The following HPR variants were observed in gnomAD, a reference collection of about 807,000 sequenced individuals.
HPR encodes haptoglobin-related protein.
In HPR, 17 loss-of-function variants were observed where a neutral mutation model predicts 18.5. The observed-to-expected ratio is 0.92, with a 90% CI of 0.63 to 1.38. HPR has a LOEUF of 1.38. Among genes scored for constraint, HPR ranks in the 40% most tolerant of loss-of-function variants. HPR has a pLI of 0.00. For missense variants in HPR, 457 were observed against 432.4 expected (o/e 1.06, Z -0.51); for synonymous variants, 176 against 165.0 (o/e 1.07, Z -0.51).
At position 72,076,859 on chromosome 16, in the gene HPR, A is replaced by T. The variant is rs1597421868; in HGVS notation, c.825A>T (p.Ile275=). The change falls in exon 5 of 5, where the codon ATA becomes ATT. Residue 275 remains isoleucine, a synonymous_variant. Transcript: ENST00000540303. ...AGAGCCCTGTAGGGGTGCAGCCCAT[A>T]CTGAACGAACACACCTTCTGTGTCG... ...APKSPVGVQP[I]LNEHTFCVGM... The T allele has an allele frequency of 1.2e-6, 2 of 1,614,132 alleles. No homozygotes were observed. The highest frequency in any genetic ancestry group is 1.7e-6 in the Non-Finnish European group (2 of 1,180,050).
intron 1 of HPR, chr16:72,073,670 A>T: frequency 1.4e-6 from 2 of 1,424,974 alleles, no homozygotes; most frequent in Non-Finnish European, 1.9e-6. Flanking sequence ...GCTCAGAAGC[A>T]GCTAAAGCGT....
chr16:72,075,539 C>G (rs942223948), intron 4 of HPR, among the ~76,000 whole-genome samples: 3 of 152,206 alleles, frequency 2.0e-5, no homozygotes, highest in African/African-American at 7.2e-5. Context: ...CCAGGGAGAA[C>G]AAGTCAAGGG....
chr16:72,073,276 G>T (rs2041676720), intron 1 of HPR, among the ~76,000 whole-genome samples: 1 of 152,180 alleles, frequency 6.6e-6, no homozygotes, highest in Non-Finnish European at 1.5e-5. Flanking sequence ...AACCTATGAG[G>T]AGCAACCTTA....
At chr16:72,071,489 G>C (rs1312343715) in intron 1 of HPR, among the ~76,000 whole-genome samples, 1 of 152,110 alleles carries the variant, frequency 6.6e-6, no homozygotes, top group African/African-American at 2.4e-5. Context: ...CTCTTTCTCT[G>C]CTGTTCCCTG....
intron 4 of HPR, 76 bp from the exon 5 acceptor site, chr16:72,076,227 C>T: frequency 2.5e-6 from 4 of 1,592,688 alleles, no homozygotes; most frequent in South Asian, 1.1e-5. Flanking sequence ...TGACAGCCGC[C>T]AATGCTTTCA....
At chr16:72,076,055 G>T (rs1452566829) in intron 4 of HPR, among the ~76,000 whole-genome samples, 1 of 152,056 alleles carries the variant, frequency 6.6e-6, no homozygotes, top group Non-Finnish European at 1.5e-5. Flanking sequence ...TAGTTCACCA[G>T]CCAGGCCTCA....
intron 1 of HPR, among the ~76,000 whole-genome samples, chr16:72,070,443 G>A (rs540543612): frequency 1.3e-5 from 2 of 152,292 alleles, no homozygotes; most frequent in South Asian, 4.1e-4. Context: ...ACTCAAACCA[G>A]CTTGGGAAGG....
At position 72,074,340 on chromosome 16, in the gene HPR, C is replaced by T. The variant is rs367988509; in HGVS notation, c.148C>T (p.Arg50Cys). The change falls in exon 3 of 5, where the codon CGC (arginine) becomes TGC (cysteine). Residue 50 changes from arginine (R) to cysteine (C), a missense_variant. By Grantham distance (180) the Arg-to-Cys change is radical. Transcript: ENST00000540303. ...AAATGGCTATGTGGAGCACTTGTTT[C>T]GCTACCAGTGTAAGAACTACTACAG... ...IANGYVEHLF[R>C]YQCKNYYRLR... is the part of the protein sequence containing the mutation. 8.1e-5 allele frequency: 130 copies of T among 1,614,046 alleles called. No individual in the cohort carries two copies. Among genetic ancestry groups the T allele is most frequent in the Non-Finnish European group, 1.1e-4 (124 of 1,179,988 alleles).
intron 1 of HPR, among the ~76,000 whole-genome samples, chr16:72,070,381 A>G (rs1431883554): frequency 6.6e-6 from 1 of 152,198 alleles, no homozygotes; most frequent in Non-Finnish European, 1.5e-5. Context: ...TTTCCAGCAC[A>G]TTAGCGTCAG....
intron 4 of HPR, among the ~76,000 whole-genome samples, 187 bp downstream of exon 4, chr16:72,075,406 G>T (rs1240009656): frequency 6.6e-6 from 1 of 152,214 alleles, no homozygotes; most frequent in Non-Finnish European, 1.5e-5. Flanking sequence ...GATCACCAGG[G>T]TCTTGTTCAT....
At chr16:72,065,795 C>T (rs72787056) in intron 1 of HPR, among the ~76,000 whole-genome samples, 15,986 of 151,990 alleles carry the variant, frequency 0.11, 1,159 homozygotes, top group South Asian at 0.16. Context: ...AGGGAAGAAT[C>T]CGATCCAGCA....
chr16:72,076,433 G>A lies in HPR; in HGVS notation c.399G>A (p.Leu133=). ...SHHNLTTGAT[L]INEQWLLTTA... ...ATAATCTCACCACAGGGGCCACGCT[G>A]ATCAATGAACAATGGCTGCTGACCA... is the stretch of plus-strand genomic sequence containing the variant. The change falls in exon 5 of 5, where the codon CTG becomes CTA. Residue 133 remains leucine, a synonymous_variant. Transcript: ENST00000540303. 2 of 1,614,192 alleles carry A rather than the reference G, an allele frequency of 1.2e-6. No individual in the cohort carries two copies. Among genetic ancestry groups the A allele is most frequent in the Non-Finnish European group, 1.7e-6 (2 of 1,180,044 alleles).
At chr16:72,073,697 G>A in intron 1 of HPR, 195 bp from the exon 2 acceptor site, 3 of 1,487,000 alleles carry the variant, frequency 2.0e-6, no homozygotes, top group Non-Finnish European at 2.7e-6. Flanking sequence ...GGGGCGGAGG[G>A]TGGGGGCAAC....
intron 3 of HPR, among the ~76,000 whole-genome samples, 175 bp from the exon 4 acceptor site, chr16:72,074,970 G>A (rs1376578935): frequency 6.6e-6 from 1 of 151,322 alleles, no homozygotes; most frequent in East Asian, 2.0e-4. Context: ...CAGGCACTTG[G>A]CTTCCAGCAC....
rs1597422085 is a variant in HPR at position 72,077,024 on chromosome 16, G to C, written c.990G>C (p.Val330=). 2 of 1,614,084 alleles carry C rather than the reference G, an allele frequency of 1.2e-6. No individual in the cohort carries two copies. Among genetic ancestry groups the C allele is most frequent in the East Asian group, 4.5e-5 (2 of 44,874 alleles). ...GCTGTGCTGTGGCTGAGTATGGTGTGTATGTGAAGGTGACTTCCATCCAGC... is the reference window on the plus strand; with the variant it reads ...GCTGTGCTGTGGCTGAGTATGGTGTCTATGTGAAGGTGACTTCCATCCAGC... ...DKSCAVAEYG[V]YVKVTSIQHW... The change falls in exon 5 of 5, where the codon GTG becomes GTC. Residue 330 remains valine (V), a synonymous_variant. Transcript: ENST00000540303.
At chr16:72,074,166 C>A in intron 2 of HPR, 118 bp from the exon 3 acceptor site, 1 of 1,267,878 alleles carries the variant, frequency 7.9e-7, no homozygotes, top group Non-Finnish European at 1.1e-6. Context: ...CTTTCGTTGG[C>A]TTCTATTTGG....
At chr16:72,073,264 C>T (rs778494344) in intron 1 of HPR, among the ~76,000 whole-genome samples, 4 of 152,168 alleles carry the variant, frequency 2.6e-5, no homozygotes, top group Non-Finnish European at 5.9e-5. Context: ...TCGTGGCAAC[C>T]GAACCTATGA....
At position 72,065,724 on chromosome 16, in the gene HPR, A is replaced by T. The variant is rs140300381; in HGVS notation, c.5+2464A>T. Among the ~76,000 whole-genome samples, 94 of 152,260 alleles carry T rather than the reference A, an allele frequency of 6.2e-4. 1 individual carries two copies. In the East Asian group the frequency reaches 0.016, roughly 26 times the overall value. ...ATAAAAGTCTGGTTTCTCAAGAAGA[A>T]CTAGACTATGCTCTTTGTTGGAAGC... On this transcript the variant is annotated intron_variant, in intron 1 of 4. Transcript: ENST00000540303.
rs1271255324 is a variant in HPR, at chr16:72,074,255, T to G, written c.92-29T>G. 3.8e-6 allele frequency: 6 copies of G among 1,595,698 alleles called. No individual in the cohort carries two copies. In the South Asian group the frequency reaches 6.6e-5, roughly 18 times the overall value. On this transcript the variant is annotated intron_variant, in intron 2 of 4. Transcript: ENST00000540303. The stretch of plus-strand genomic sequence containing the variant: ...GTCTCTGGGAACAATTTCCAAATGG[T>G]AAACTCTCTGGCTTCTCTCTCTTTG...
Sources: gnomAD v4.1 joint callset for allele counts (sites outside exome capture counted in the v4.1 genomes callset) on GRCh38, gnomAD v4.1.1 for gene constraint, MANE v1.5 for transcripts, NCBI Gene and HGNC (gene_info 2026-07-23, HGNC 2026-07-21) for gene names.